Variants in LARP1B observed in about 807,000 individuals in gnomAD.
The protein encoded by LARP1B is La ribonucleoprotein 1B.
A neutral mutation model predicts 114.2 loss-of-function variants in LARP1B; 76 were observed. The ratio of observed to expected loss-of-function variants is 0.67; its 90% CI spans 0.55 to 0.81. The LOEUF (loss-of-function observed/expected upper bound fraction) is 0.81, where lower values mean the gene tolerates loss of function less well. Among genes scored for constraint, LARP1B ranks in the 30% least tolerant of loss-of-function variants. The pLI is 0.00. For synonymous variants in LARP1B, 345 were observed against 348.0 expected (o/e 0.99, Z 0.10); for missense variants, 1,014 against 1,075.8 (o/e 0.94, Z 0.80).
chr4:128,065,315 T>TTC (rs1197451841), intron 1 of LARP1B, among the ~76,000 whole-genome samples: 114 of 80,656 alleles, frequency 1.4e-3, no homozygotes, highest in African/African-American at 4.7e-3. Flanking sequence ...CTTTCTTTCT[T>TTC]TCTCTCTCTC....
intron 11 of LARP1B, among the ~76,000 whole-genome samples, chr4:128,150,952 C>G (rs1732524063): frequency 6.6e-6 from 1 of 152,082 alleles, no homozygotes; most frequent in Admixed American, 6.6e-5. Context: ...GAAATGTAGA[C>G]TTTGAAAGAC....
intron 8 of LARP1B, among the ~76,000 whole-genome samples, chr4:128,103,539 A>G (rs1391045242): frequency 6.6e-6 from 1 of 151,284 alleles, no homozygotes. Flanking sequence ...TACTACATAC[A>G]ATGTTTGTTA....
intron 10 of LARP1B, among the ~76,000 whole-genome samples, chr4:128,115,920 G>A (rs1055957639): frequency 1.3e-5 from 2 of 152,218 alleles, no homozygotes; most frequent in Non-Finnish European, 2.9e-5. Context: ...TGGCCTCCCA[G>A]AGTGCTAGGA....
At chr4:128,222,730 A>G (rs1319207047), downstream of LARP1B, 1 of 175,566 alleles carries the variant, frequency 5.7e-6, no homozygotes, top group South Asian at 1.3e-4. Context: ...TCTCCAATAG[A>G]CATTCCAATT....
chr4:128,086,308 T>C (rs1388919647), intron 5 of LARP1B, among the ~76,000 whole-genome samples: 2 of 151,902 alleles, frequency 1.3e-5, no homozygotes, highest in African/African-American at 4.8e-5. Context: ...CCCAGCCGCT[T>C]TGTCATAGTA....
chr4:128,083,340 C>G (rs1238381559), intron 5 of LARP1B, among the ~76,000 whole-genome samples: 1 of 152,144 alleles, frequency 6.6e-6, no homozygotes, highest in Non-Finnish European at 1.5e-5. Flanking sequence ...GGTACACCTC[C>G]CAGACGGGGT....
At chr4:128,158,846 TTATATATAAC>T (rs1737038963) in intron 11 of LARP1B, among the ~76,000 whole-genome samples, 1 of 152,018 alleles carries the variant, frequency 6.6e-6, no homozygotes, top group Non-Finnish European at 1.5e-5. Flanking sequence ...AAGTCACATC[TTATATATAAC>T]TATATATACA....
chr4:128,093,253 A>G (rs1776497411), intron 7 of LARP1B, among the ~76,000 whole-genome samples: 1 of 152,170 alleles, frequency 6.6e-6, no homozygotes, highest in African/African-American at 2.4e-5. Flanking sequence ...TTTCTAATAT[A>G]TAGATAGGCT....
intron 7 of LARP1B, among the ~76,000 whole-genome samples, chr4:128,221,678 TA>T (rs1760050059): frequency 6.6e-6 from 1 of 152,220 alleles, no homozygotes; most frequent in Admixed American, 6.5e-5. Flanking sequence ...TGCTTAATGT[TA>T]ACATTTTCTG....
intron 12 of LARP1B, among the ~76,000 whole-genome samples, chr4:128,172,185 T>A (rs1744011191): frequency 6.6e-6 from 1 of 152,116 alleles, no homozygotes; most frequent in African/African-American, 2.4e-5. Flanking sequence ...TTGTTGAGGT[T>A]GCTTTTCTGT....
intron 10 of LARP1B, among the ~76,000 whole-genome samples, chr4:128,116,138 A>G (rs944008144): frequency 2.0e-5 from 3 of 152,224 alleles, no homozygotes; most frequent in Admixed American, 6.5e-5. Context: ...ATTTATAAAA[A>G]GAGAAATAGG....
rs1345033704 is a variant in LARP1B, at chr4:128,210,828, G to A, written c.*775G>A. On this transcript the variant is annotated 3_prime_UTR_variant, in exon 20 of 20. Transcript: ENST00000326639. Reference sequence around the variant, plus strand: ...TTTATGATTCTATATAAACGTGCACGAGTAATTTAAAACCTGCATTGGGAT... The same window carrying A: ...TTTATGATTCTATATAAACGTGCACAAGTAATTTAAAACCTGCATTGGGAT... 6 of 983,784 alleles carry A rather than the reference G, an allele frequency of 6.1e-6. No individual in the cohort carries two copies. The highest frequency in any genetic ancestry group is 6.0e-6 in the Non-Finnish European group (5 of 828,860). 60.9% of individuals were successfully genotyped at this position (983,784 alleles called of 1,614,324 possible).
intron 5 of LARP1B, among the ~76,000 whole-genome samples, chr4:128,089,187 C>T (rs941053390): frequency 2.6e-5 from 4 of 151,954 alleles, no homozygotes; most frequent in Non-Finnish European, 5.9e-5. Context: ...ATCCTGTAGT[C>T]CACAGAACAG....
chr4:128,176,729 T>C, intron 12 of LARP1B, 143 bp from the exon 13 acceptor site: 1 of 701,466 alleles, frequency 1.4e-6, no homozygotes, highest in Non-Finnish European at 2.5e-6. Flanking sequence ...GTTGTGGTAG[T>C]TGCTTTCTGG....
At chr4:128,090,938 A>C (rs1201262647) in intron 5 of LARP1B, 63 bp from the exon 6 acceptor site, 1 of 1,292,300 alleles carries the variant, frequency 7.7e-7, no homozygotes, top group African/African-American at 1.5e-5. Flanking sequence ...TGTTTTCATA[A>C]AGACAATCAT....
At chr4:128,079,936 G>C (rs1473121689) in intron 4 of LARP1B, among the ~76,000 whole-genome samples, 1 of 151,404 alleles carries the variant, frequency 6.6e-6, no homozygotes, top group Non-Finnish European at 1.5e-5. Context: ...GTTCTTGACT[G>C]TCTAGAATCC....
rs1223855217 is a variant in LARP1B, at chr4:128,140,976, T to C, written c.1524+18788T>C. 2.6e-5 allele frequency among the ~76,000 whole-genome samples: 4 copies of C among 152,134 alleles called. No individual in the cohort carries two copies. The East Asian group carries it at 7.8e-4, about 29-fold the overall frequency. On this transcript the variant is annotated intron_variant, in intron 11 of 19. Coordinates refer to ENST00000326639, the MANE Select transcript of LARP1B (RefSeq NM_018078.4). ...GATTACAGGCATGCACCACCATGCC[T>C]GGCTAATTTTTGTATTTTTAGTAGA... is the stretch of plus-strand genomic sequence containing the variant.
At chr4:128,105,346 G>C (rs577763607) in intron 8 of LARP1B, among the ~76,000 whole-genome samples, 1 of 152,054 alleles carries the variant, frequency 6.6e-6, no homozygotes, top group Non-Finnish European at 1.5e-5. Context: ...TCTTTTCATT[G>C]GTAGTTTTTG....
chr4:128,077,296 G>C (rs1176634682), intron 3 of LARP1B, among the ~76,000 whole-genome samples: 1 of 151,632 alleles, frequency 6.6e-6, no homozygotes, highest in Non-Finnish European at 1.5e-5. Context: ...TTAGGAGTTC[G>C]AGACCAGCCT....
Sources: allele counts gnomAD v4.1 joint callset (sites outside exome capture counted in the v4.1 genomes callset), GRCh38; gene constraint gnomAD v4.1.1; transcripts MANE v1.5; gene names NCBI Gene and HGNC (gene_info 2026-07-23, HGNC 2026-07-21).